SORCS1: variants seen among roughly 807,000 people sequenced by gnomAD.
The protein encoded by SORCS1 is sortilin related VPS10 domain containing receptor 1, also known as VPS10 domain-containing receptor SorCS1.
SORCS1 carries 60 observed loss-of-function variants against 146.1 expected under a neutral mutation model. The observed-to-expected ratio is 0.41, with a 90% CI of 0.33 to 0.51. The LOEUF is 0.51. Among genes scored for constraint, SORCS1 ranks in the 20% least tolerant of loss-of-function variants. The pLI is 0.21. For synonymous variants in SORCS1, 637 were observed against 584.0 expected (o/e 1.09, Z -1.31); for missense variants, 1,352 against 1,487.6 (o/e 0.91, Z 1.50).
intron 2 of SORCS1, among the ~76,000 whole-genome samples, chr10:106,906,847 T>A (rs548786215): frequency 6.6e-5 from 10 of 152,302 alleles, no homozygotes; most frequent in Non-Finnish European, 1.2e-4. Context: ...GAGTATGGGA[T>A]GTTCAACTGT....
At chr10:106,655,068 G>A (rs1850180174) in intron 17 of SORCS1, among the ~76,000 whole-genome samples, 2 of 152,088 alleles carry the variant, frequency 1.3e-5, no homozygotes. Context: ...TATTGGCCAG[G>A]CTGGTCTCAA....
chr10:106,865,209 G>T (rs1950184185), intron 2 of SORCS1, among the ~76,000 whole-genome samples: 1 of 152,180 alleles, frequency 6.6e-6, no homozygotes. Flanking sequence ...TCTTCACTGT[G>T]TGGGGCCTCC....
intron 1 of SORCS1, among the ~76,000 whole-genome samples, chr10:106,971,119 G>A (rs144985045): frequency 3.8e-4 from 58 of 151,936 alleles, no homozygotes; most frequent in African/African-American, 1.3e-3. Flanking sequence ...TTGCCACCAC[G>A]ATATTTTAAA....
At chr10:107,180,827 A>G in the SORCS1 span, among the ~76,000 whole-genome samples, 1 of 152,174 alleles carries the variant, frequency 6.6e-6, no homozygotes. Context: ...TTGTGCAAAC[A>G]TCTAGGCACA....
In SORCS1 at chr10:106,577,478, T is replaced by A; in HGVS notation, c.3449A>T (p.His1150Leu). ...CTTTGGCGTTGAAGGCGGAGTGGCGTGTCTTGCTCTTTGCAATCGGAGAGA... is the reference window on the plus strand; with the variant it reads ...CTTTGGCGTTGAAGGCGGAGTGGCGAGTCTTGCTCTTTGCAATCGGAGAGA... ...DSSLRLQRAR[H>L]ATPPSTPKRG... Residue 1150 changes from histidine to leucine, a missense_variant, in exon 26 of 26, where the codon CAC (histidine) becomes CTC (leucine). Coordinates refer to ENST00000263054, the MANE Select transcript of SORCS1 (RefSeq NM_052918.5). 9 of 1,613,498 alleles carry A rather than the reference T, an allele frequency of 5.6e-6. No individual in the cohort carries two copies. Among genetic ancestry groups the A allele is most frequent in the South Asian group, 4.4e-5 (4 of 91,070 alleles).
At chr10:107,044,026 G>A (rs558806498) in intron 1 of SORCS1, among the ~76,000 whole-genome samples, 26 of 152,226 alleles carry the variant, frequency 1.7e-4, no homozygotes, top group African/African-American at 6.3e-4. Context: ...TTGTTCACAC[G>A]AACAACAGGT....
intron 18 of SORCS1, among the ~76,000 whole-genome samples, chr10:106,633,111 C>T (rs745893615): frequency 5.3e-5 from 8 of 152,082 alleles, no homozygotes; most frequent in Non-Finnish European, 1.0e-4. Context: ...GGTCAAATTC[C>T]TGATTTTTAT....
At chr10:106,662,629 C>A (rs1434563527) in intron 17 of SORCS1, among the ~76,000 whole-genome samples, 1 of 152,182 alleles carries the variant, frequency 6.6e-6, no homozygotes, top group Admixed American at 6.5e-5. Context: ...TGGCACTGGA[C>A]ACAGGGTTCC....
intron 1 of SORCS1, among the ~76,000 whole-genome samples, chr10:107,016,153 T>C (rs1266220020): frequency 6.6e-6 from 1 of 152,094 alleles, no homozygotes; most frequent in Admixed American, 6.5e-5. Context: ...AATAGACAAA[T>C]TGACAAACAT....
At chr10:106,687,776 A>C (rs967354335) in intron 10 of SORCS1, among the ~76,000 whole-genome samples, 12 of 152,182 alleles carry the variant, frequency 7.9e-5, no homozygotes, top group African/African-American at 2.4e-4. Flanking sequence ...CATCTCCACA[A>C]GAAAATACAC....
In SORCS1 at chr10:106,629,203, A is replaced by C; in HGVS notation, c.2661T>G (p.Thr887=). 6.2e-6 allele frequency: 10 copies of C among 1,611,896 alleles called. No homozygotes were observed. The highest frequency in any genetic ancestry group is 8.5e-6 in the Non-Finnish European group (10 of 1,178,252). The change falls in exon 19 of 26, where the codon ACT becomes ACG. Residue 887 remains threonine (T), a splice_region_variant and synonymous_variant. Coordinates refer to ENST00000263054, the MANE Select transcript of SORCS1 (RefSeq NM_052918.5). ...AAACCAACAACAGTAATAACATACAAGTTACATGTAAGTACAGGACGGCGC... is the reference window on the plus strand; with the variant it reads ...AAACCAACAACAGTAATAACATACACGTTACATGTAAGTACAGGACGGCGC... The part of the protein sequence containing the change: ...SDSAVLYLHV[T]CPLEHVHLSL...
chr10:106,890,378 A>C (rs59841903), intron 2 of SORCS1, among the ~76,000 whole-genome samples: 11,957 of 152,182 alleles, frequency 0.079, 1,036 homozygotes, highest in African/African-American at 0.2. Context: ...ATGTGATAAG[A>C]CTGCCATCAA....
chr10:107,047,015 A>C (rs1156622893), intron 1 of SORCS1, among the ~76,000 whole-genome samples: 3 of 151,868 alleles, frequency 2.0e-5, no homozygotes, highest in African/African-American at 7.3e-5. Context: ...TTGAGATGGA[A>C]TCTCGCTCTA....
intron 1 of SORCS1, among the ~76,000 whole-genome samples, chr10:106,983,677 T>G (rs989676773): frequency 6.6e-6 from 1 of 152,128 alleles, no homozygotes. Flanking sequence ...TAGCCAGGAA[T>G]AGTAGCCAGG....
At chr10:106,709,375 T>C (rs1208519031) in intron 6 of SORCS1, 34 bp from the exon 7 acceptor site, 2 of 1,352,500 alleles carry the variant, frequency 1.5e-6, no homozygotes, top group East Asian at 2.3e-5. Flanking sequence ...AAACATGGGG[T>C]TGAGGGGGAT....
the SORCS1 span, among the ~76,000 whole-genome samples, chr10:107,172,865 G>T: frequency 1.0e-3 from 158 of 152,214 alleles, 1 homozygote; most frequent in Admixed American, 1.7e-3. Flanking sequence ...CTAACCTATT[G>T]CTATTAGCTG....
intron 1 of SORCS1, among the ~76,000 whole-genome samples, chr10:106,957,103 G>A (rs1414389336): frequency 1.3e-5 from 2 of 150,958 alleles, no homozygotes; most frequent in Admixed American, 6.6e-5. Flanking sequence ...AAGAATTGCT[G>A]TTTGAAGTTA....
chr10:106,677,228 C>A, intron 13 of SORCS1, 85 bp downstream of exon 13: 1 of 1,261,384 alleles, frequency 7.9e-7, no homozygotes, highest in South Asian at 1.3e-5. Flanking sequence ...CAGAAACAGA[C>A]ACGGTTTGAT....
intron 1 of SORCS1, among the ~76,000 whole-genome samples, chr10:107,126,436 C>T (rs1966716108): frequency 6.6e-6 from 1 of 151,958 alleles, no homozygotes; most frequent in African/African-American, 2.4e-5. Context: ...CAGGTATCTA[C>T]CTTATTAAAA....
Sources: gnomAD v4.1 joint callset for allele counts (sites outside exome capture counted in the v4.1 genomes callset) on GRCh38, gnomAD v4.1.1 for gene constraint, MANE v1.5 for transcripts, NCBI Gene and HGNC (gene_info 2026-07-23, HGNC 2026-07-21) for gene names.